Variants in C5AR1 observed in about 807,000 individuals in gnomAD.
C5AR1 encodes C5a anaphylatoxin chemotactic receptor 1.
In C5AR1, 4 loss-of-function variants were observed where a neutral mutation model predicts 2.4. The observed-to-expected ratio is 1.65, with a 90% CI of 0.81 to 3.77. C5AR1 has a LOEUF of 3.77. Among genes scored for constraint, C5AR1 ranks in the 30% most tolerant of loss-of-function variants. C5AR1 has a pLI of 0.01. For missense variants in C5AR1, 418 were observed against 462.5 expected (o/e 0.90, Z 0.88); for synonymous variants, 209 against 210.4 (o/e 0.99, Z 0.06).
At chr19:47,309,825 T>C, upstream of C5AR1, 5 of 1,553,126 alleles carry the variant, frequency 3.2e-6, no homozygotes, top group Non-Finnish European at 4.4e-6. Flanking sequence ...CATCTTCCCT[T>C]GGGGCTTTAA....
intron 1 of C5AR1, among the ~76,000 whole-genome samples, chr19:47,313,255 C>T (rs2059276330): frequency 6.6e-6 from 1 of 151,748 alleles, no homozygotes; most frequent in Non-Finnish European, 1.5e-5. Flanking sequence ...GGATTATAGG[C>T]GTGAGCCACC....
intron 1 of C5AR1, among the ~76,000 whole-genome samples, chr19:47,314,021 C>T (rs2059278601): frequency 6.6e-6 from 1 of 152,122 alleles, no homozygotes; most frequent in Non-Finnish European, 1.5e-5. Context: ...ACCCTGTTCT[C>T]ATCCGATCGT....
At chr19:47,312,887 CTTCT>C (rs1273984941) in intron 1 of C5AR1, among the ~76,000 whole-genome samples, 1 of 151,740 alleles carries the variant, frequency 6.6e-6, no homozygotes, top group African/African-American at 2.4e-5. Flanking sequence ...CAGCCTGGTG[CTTCT>C]TTCTTTCTTT....
At position 47,321,988 on chromosome 19, in the gene C5AR1, A is replaced by C. The variant is rs2122146892; in HGVS notation, c.*1158A>C. The C allele has an allele frequency of 6.6e-6, 1 of 152,252 alleles. No homozygotes were observed. The allele number at this position is 152,252 out of a possible 1,614,324, so 9.4% of individuals were successfully genotyped here. ...TTCAAGAATGTTATTCAATGGAATC[A>C]TATAGTATGTAACCTGTTTTGAGCT... On this transcript the variant is annotated 3_prime_UTR_variant, in exon 2 of 2. Transcript: ENST00000355085.
chr19:47,308,261 G>A (rs1025190812), upstream of C5AR1, among the ~76,000 whole-genome samples: 3 of 149,048 alleles, frequency 2.0e-5, no homozygotes, highest in East Asian at 4.0e-4. Flanking sequence ...TGTGAACAGC[G>A]CATGTGAGGG....
At chr19:47,319,013 G>A (rs189484328) in intron 1 of C5AR1, among the ~76,000 whole-genome samples, 9 of 149,616 alleles carry the variant, frequency 6.0e-5, no homozygotes, top group Non-Finnish European at 1.0e-4. Context: ...AGCCTCCCAA[G>A]TAGCTGGGAT....
chr19:47,308,120 G>A (rs896927027), upstream of C5AR1, among the ~76,000 whole-genome samples: 10 of 151,196 alleles, frequency 6.6e-5, no homozygotes, highest in Non-Finnish European at 1.0e-4. Flanking sequence ...GGCTGAGGCA[G>A]GAGAATCGCT....
chr19:47,310,029 C>A, intron 1 of C5AR1, 131 bp downstream of exon 1: 1 of 886,548 alleles, frequency 1.1e-6, no homozygotes, highest in South Asian at 1.7e-5. Context: ...TTCTCTCTCC[C>A]TGTCTTCCAC....
At chr19:47,313,999 G>A (rs1197167380) in intron 1 of C5AR1, among the ~76,000 whole-genome samples, 1 of 152,084 alleles carries the variant, frequency 6.6e-6, no homozygotes, top group Non-Finnish European at 1.5e-5. Flanking sequence ...TAGGTACTGC[G>A]CCTTCTCCTT....
Position 47,319,922 on chromosome 19 carries a change from C to T in C5AR1, c.145C>T (p.Leu49=). ...LALVIFAVVF[L]VGVLGNALVV... ...CTTGGTCATCTTTGCAGTCGTCTTC[C>T]TGGTGGGAGTGCTGGGCAATGCCCT... is the stretch of plus-strand genomic sequence containing the variant. The change falls in exon 2 of 2, where the codon CTG becomes TTG. Residue 49 remains leucine (L), a synonymous_variant. Transcript: ENST00000355085. The T allele has an allele frequency of 6.2e-7, 1 of 1,614,254 alleles. No homozygotes were observed. Among genetic ancestry groups the T allele is most frequent in the Non-Finnish European group, 8.5e-7 (1 of 1,180,032 alleles).
At chr19:47,312,757 A>G (rs1355862523) in intron 1 of C5AR1, among the ~76,000 whole-genome samples, 2 of 151,736 alleles carry the variant, frequency 1.3e-5, no homozygotes, top group African/African-American at 4.8e-5. Context: ...TCTTTTTTCT[A>G]GACAGGGTCT....
chr19:47,312,566 A>T (rs890428497), intron 1 of C5AR1, among the ~76,000 whole-genome samples: 5 of 152,240 alleles, frequency 3.3e-5, no homozygotes, highest in African/African-American at 1.2e-4. Flanking sequence ...TGTTTTGTAC[A>T]GTACTCTACA....
chr19:47,319,825 C>A lies in C5AR1; in HGVS notation c.48C>A (p.Asp16Glu). The A allele has an allele frequency of 6.2e-7, 1 of 1,613,748 alleles. No homozygotes were observed. Among genetic ancestry groups the A allele is most frequent in the Middle Eastern group, 1.6e-4 (1 of 6,062 alleles). Reference protein sequence around the residue: ...YTTPDYGHYDDKDTLDLNTPV... With the variant: ...YTTPDYGHYDEKDTLDLNTPV... Reference sequence around the variant, plus strand: ...CCCCTGATTATGGGCACTATGATGACAAGGATACCCTGGACCTCAACACCC... The same window carrying A: ...CCCCTGATTATGGGCACTATGATGAAAAGGATACCCTGGACCTCAACACCC... Residue 16 changes from aspartate (D) to glutamate (E), a missense_variant, in exon 2 of 2, where the codon GAC (aspartate) becomes GAA (glutamate). Asp to Glu is a conservative substitution (Grantham distance 45). Transcript: ENST00000355085.
intron 1 of C5AR1, among the ~76,000 whole-genome samples, chr19:47,316,943 C>T (rs926520240): frequency 6.6e-5 from 10 of 150,426 alleles, no homozygotes; most frequent in Middle Eastern, 3.2e-3. Context: ...TTTGGGAGTT[C>T]AAGGCAGGAG....
At chr19:47,315,573 A>G (rs1452842555) in intron 1 of C5AR1, among the ~76,000 whole-genome samples, 1 of 152,158 alleles carries the variant, frequency 6.6e-6, no homozygotes, top group Non-Finnish European at 1.5e-5. Context: ...ATTTACCTTC[A>G]TGCGTCACAG....
Position 47,320,694 on chromosome 19 carries a change from G to C in C5AR1, c.917G>C (p.Gly306Ala). ...ATCATCTACGTGGTGGCCGGCCAGG[G>C]CTTCCAGGGCCGACTGCGGAAATCC... ...NPIIYVVAGQ[G>A]FQGRLRKSLP... The change falls in exon 2 of 2, where the codon GGC (glycine) becomes GCC (alanine). Residue 306 changes from glycine to alanine, a missense_variant. Gly to Ala is a moderately conservative substitution (Grantham distance 60). Coordinates refer to ENST00000355085, the MANE Select transcript of C5AR1 (RefSeq NM_001736.4). This position sits in a 1 kb window ranked among gnomAD's most constrained non-coding sequence, Gnocchi z 4.9. The C allele has an allele frequency of 6.2e-7, 1 of 1,614,150 alleles. No individual in the cohort carries two copies. The highest frequency in any genetic ancestry group is 1.3e-5 in the African/African-American group (1 of 75,040).
rs367862713 is a variant in C5AR1, at chr19:47,320,044, G to T, written c.267G>T (p.Leu89=). Reference sequence around the variant, plus strand: ...CCGACTTCCTCTCCTGCCTGGCGCTGCCCATCTTGTTCACGTCCATTGTAC... The same window carrying T: ...CCGACTTCCTCTCCTGCCTGGCGCTTCCCATCTTGTTCACGTCCATTGTAC... ...AVADFLSCLA[L]PILFTSIVQH... is the part of the protein sequence containing the mutation. Residue 89 remains leucine (L), a synonymous_variant, in exon 2 of 2, where the codon CTG becomes CTT. Transcript: ENST00000355085. This position sits in a 1 kb window ranked among gnomAD's most constrained non-coding sequence, Gnocchi z 4.9. The T allele has an allele frequency of 1.2e-6, 2 of 1,614,066 alleles. No individual in the cohort carries two copies. Among genetic ancestry groups the T allele is most frequent in the African/African-American group, 2.7e-5 (2 of 74,940 alleles).
In C5AR1 at chr19:47,320,677, CGTG is replaced by C; in HGVS notation, c.905_907del (p.Val302del). 1 of 1,614,162 alleles carries C rather than the reference CGTG, an allele frequency of 6.2e-7. No homozygotes were observed. The highest frequency in any genetic ancestry group is 8.5e-7 in the Non-Finnish European group (1 of 1,180,032). On this transcript the variant is annotated inframe_deletion, in exon 2 of 2. Transcript: ENST00000355085. The surrounding 1 kb of genome is among the most constrained non-coding windows in gnomAD (Gnocchi z 4.9). ...ACTGCTGCATCAACCCCATCATCTA[CGTG>C]GTGGCCGGCCAGGGCTTCCAGGGCC...
intron 1 of C5AR1, among the ~76,000 whole-genome samples, chr19:47,312,215 A>G (rs189834467): frequency 6.6e-6 from 1 of 152,164 alleles, no homozygotes; most frequent in African/African-American, 2.4e-5. Context: ...CCTCCCAGGT[A>G]GCTGGGACTA....
Sources: gnomAD v4.1 joint callset for allele counts (sites outside exome capture counted in the v4.1 genomes callset) on GRCh38, gnomAD v4.1.1 for gene constraint, Gnocchi (gnomAD v3.1) non-coding constraint, MANE v1.5 for transcripts, NCBI Gene and HGNC (gene_info 2026-07-23, HGNC 2026-07-21) for gene names.